TP63: variants seen among roughly 807,000 people sequenced by gnomAD.
TP63 encodes the protein tumor protein 63.
TP63 carries 17 observed loss-of-function variants against 82.8 expected under a neutral mutation model. That is an observed-to-expected ratio of 0.21 (90% CI 0.14 to 0.31). TP63 has a LOEUF of 0.31. TP63 is among the 10% of genes least tolerant of loss of function. The probability of loss-of-function intolerance (pLI) is 1.00; values close to 1 mark genes in which losing one functional copy is unlikely to be tolerated. For synonymous variants in TP63, 330 were observed against 321.7 expected (o/e 1.03, Z -0.28); for missense variants, 648 against 895.3 (o/e 0.72, Z 3.52).
At chr3:189,863,074 G>A (rs908191840) in intron 4 of TP63, among the ~76,000 whole-genome samples, 5 of 152,184 alleles carry the variant, frequency 3.3e-5, no homozygotes, top group African/African-American at 1.2e-4. Context: ...GTGAGAGTTA[G>A]GGTGGGACAT....
intron 1 of TP63, among the ~76,000 whole-genome samples, chr3:189,660,209 G>A (rs115676522): frequency 9.9e-4 from 151 of 151,816 alleles, no homozygotes; most frequent in African/African-American, 2.2e-3. Context: ...TCTTTAATCC[G>A]TTTTAATATT....
At chr3:189,620,470 A>G in the TP63 span, among the ~76,000 whole-genome samples, 30 of 140,356 alleles carry the variant, frequency 2.1e-4, no homozygotes, top group Admixed American at 2.2e-3. Context: ...ACATTGCACC[A>G]CTGCACTCCA....
At chr3:189,877,191 G>A (rs188325616) in intron 10 of TP63, among the ~76,000 whole-genome samples, 8 of 152,284 alleles carry the variant, frequency 5.3e-5, no homozygotes, top group African/African-American at 1.2e-4. Context: ...TTTATATTAC[G>A]AAGAAATGTG....
chr3:189,845,714 G>C (rs1474215641), intron 4 of TP63, among the ~76,000 whole-genome samples: 1 of 148,084 alleles, frequency 6.8e-6, no homozygotes, highest in African/African-American at 2.5e-5. Flanking sequence ...GGGCTTTGAT[G>C]CTACTCTATC....
chr3:189,654,232 C>T (rs1466097586), intron 1 of TP63, among the ~76,000 whole-genome samples: 1 of 151,022 alleles, frequency 6.6e-6, no homozygotes, highest in Non-Finnish European at 1.5e-5. Context: ...AATGTTAATA[C>T]CAAGCCTTTT....
At chr3:189,882,922 T>C (rs955374780) in intron 10 of TP63, among the ~76,000 whole-genome samples, 1 of 152,222 alleles carries the variant, frequency 6.6e-6, no homozygotes, top group African/African-American at 2.4e-5. Flanking sequence ...AAATATGATT[T>C]TCTACATCTC....
chr3:189,640,328 C>T (rs1214449199), intron 1 of TP63, among the ~76,000 whole-genome samples: 1 of 152,028 alleles, frequency 6.6e-6, no homozygotes, highest in Non-Finnish European at 1.5e-5. Flanking sequence ...GGTTTTCTTT[C>T]AGCATCTTAA....
At chr3:189,688,729 C>G (rs2108712826) in intron 1 of TP63, among the ~76,000 whole-genome samples, 1 of 152,226 alleles carries the variant, frequency 6.6e-6, no homozygotes, top group East Asian at 1.9e-4. Context: ...AGGACCTAGC[C>G]AAAAGCAAAT....
At chr3:189,608,714 C>G in the TP63 span, among the ~76,000 whole-genome samples, 8 of 152,074 alleles carry the variant, frequency 5.3e-5, no homozygotes, top group Non-Finnish European at 1.2e-4. Context: ...CAACTTGTAG[C>G]TAGAGCTCTA....
At chr3:189,725,843 C>T (rs1719737321) in intron 1 of TP63, among the ~76,000 whole-genome samples, 1 of 152,198 alleles carries the variant, frequency 6.6e-6, no homozygotes, top group Admixed American at 6.5e-5. Flanking sequence ...ATCATGAGAT[C>T]AGGAGCTGGA....
chr3:189,782,574 G>T (rs977970803), intron 3 of TP63, among the ~76,000 whole-genome samples: 6 of 152,124 alleles, frequency 3.9e-5, no homozygotes, highest in African/African-American at 7.2e-5. Context: ...AACAATAAAA[G>T]ATACTGAAAT....
intron 1 of TP63, among the ~76,000 whole-genome samples, chr3:189,668,662 A>G (rs890567500): frequency 2.0e-5 from 3 of 152,150 alleles, no homozygotes; most frequent in Non-Finnish European, 4.4e-5. Flanking sequence ...ATCTTAGCAA[A>G]TGTTTAACTA....
At chr3:189,656,719 C>CA (rs2108645795) in intron 1 of TP63, among the ~76,000 whole-genome samples, 1 of 152,050 alleles carries the variant, frequency 6.6e-6, no homozygotes, top group East Asian at 1.9e-4. Context: ...TCATAAGGGA[C>CA]AAAAAACAGA....
At chr3:189,863,294 T>C (rs1717268904) in intron 4 of TP63, among the ~76,000 whole-genome samples, 1 of 152,220 alleles carries the variant, frequency 6.6e-6, no homozygotes, top group South Asian at 2.1e-4. Flanking sequence ...AATGTAGAGA[T>C]AGGGCTTTGA....
At chr3:189,869,734 A>G (rs776738859) in intron 9 of TP63, among the ~76,000 whole-genome samples, 10 of 148,910 alleles carry the variant, frequency 6.7e-5, no homozygotes, top group Non-Finnish European at 1.5e-4. Flanking sequence ...TTTTTTTTAT[A>G]AGGGCAAAAT....
chr3:189,601,099 A>T, the TP63 span, among the ~76,000 whole-genome samples: 1 of 152,194 alleles, frequency 6.6e-6, no homozygotes, highest in Non-Finnish European at 1.5e-5. Context: ...CTTATTTTTA[A>T]TCCCATAGTT....
In TP63 at chr3:189,858,384, C is replaced by T. The variant is rs1173124535; in HGVS notation, c.580-5848C>T. ...TTGCGCCACTGCACTCCAGCCTGGG[C>T]GACAGCGAGACTCCGTCTCAAAAAA... On this transcript the variant is annotated intron_variant, in intron 4 of 13. Coordinates refer to ENST00000264731, the MANE Select transcript of TP63 (RefSeq NM_003722.5). Among the ~76,000 whole-genome samples the T allele has an allele frequency of 9.9e-4, 10 of 10,116 alleles. 2 individuals carry two copies. The highest frequency in any genetic ancestry group is 9.4e-3 in the South Asian group (4 of 426). 6.6% of individuals were successfully genotyped at this position (10,116 alleles called of 152,430 possible).
In TP63 at chr3:189,789,758, G is replaced by A; in HGVS notation, c.325-18514G>A. ...GTGGGGGGGTTGGCAAAATCCTGGA[G>A]CCAGAAGAAAGGACAGCAGCATTGA... On this transcript the variant is annotated intron_variant, in intron 3 of 13. Transcript: ENST00000264731. The A allele has an allele frequency of 1.9e-6, 3 of 1,566,922 alleles. No homozygotes were observed. The East Asian group carries it at 7.1e-5, about 37-fold the overall frequency.
intron 3 of TP63, among the ~76,000 whole-genome samples, chr3:189,779,126 T>G (rs1724035323): frequency 6.6e-6 from 1 of 152,286 alleles, no homozygotes; most frequent in East Asian, 1.9e-4. Context: ...GTCTATAGTT[T>G]CCCTTTACTT....
Sources: allele counts gnomAD v4.1 joint callset (sites outside exome capture counted in the v4.1 genomes callset), GRCh38; gene constraint gnomAD v4.1.1; transcripts MANE v1.5; gene names NCBI Gene and HGNC (gene_info 2026-07-23, HGNC 2026-07-21).